The following HHAT variants were observed in gnomAD, a reference collection of about 807,000 sequenced individuals.
The protein encoded by HHAT is protein-cysteine N-palmitoyltransferase HHAT.
Under a neutral mutation model 70.8 loss-of-function variants are expected in HHAT, and 47 were observed. The ratio of observed to expected loss-of-function variants is 0.66; its 90% CI spans 0.53 to 0.85. The LOEUF is 0.85. HHAT is among the 40% of genes least tolerant of loss of function. The pLI, the probability that HHAT is intolerant of heterozygous loss-of-function variation, is 0.00. For synonymous variants in HHAT, 228 were observed against 247.6 expected, an observed-to-expected ratio of 0.92 and a Z score of 0.74; for missense variants, 609 against 604.8, an observed-to-expected ratio of 1.01 and a Z score of -0.07.
intron 11 of HHAT, among the ~76,000 whole-genome samples, chr1:210,633,367 C>T (rs1315887116): frequency 2.0e-5 from 3 of 152,170 alleles, no homozygotes; most frequent in Non-Finnish European, 4.4e-5. Flanking sequence ...GTCAAATGCC[C>T]GGTCGCAGCA....
chr1:210,393,618 C>A (rs2143441), intron 4 of HHAT, among the ~76,000 whole-genome samples: 46 of 151,986 alleles, frequency 3.0e-4, no homozygotes, highest in Non-Finnish European at 5.7e-4. Flanking sequence ...ACTTATTTCA[C>A]CTTTCTGCAT....
chr1:210,345,511 C>T (rs1286854281), intron 1 of HHAT, among the ~76,000 whole-genome samples: 3 of 152,154 alleles, frequency 2.0e-5, no homozygotes, highest in African/African-American at 7.2e-5. Flanking sequence ...TGCTGATTCA[C>T]CAAACTTGGG....
At chr1:210,588,502 G>A (rs1386453383) in intron 10 of HHAT, 1 of 164,596 alleles carries the variant, frequency 6.1e-6, no homozygotes, top group Non-Finnish European at 1.3e-5. Context: ...TTAAGTCACT[G>A]AGTCCATACC....
At chr1:210,430,093 A>G (rs2093199099) in intron 7 of HHAT, among the ~76,000 whole-genome samples, 1 of 151,900 alleles carries the variant, frequency 6.6e-6, no homozygotes, top group Admixed American at 6.5e-5. Flanking sequence ...CTTCAATAGT[A>G]GTGTCAAATA....
At chr1:210,474,762 G>GTTC (rs981338245) in intron 8 of HHAT, among the ~76,000 whole-genome samples, 1 of 151,812 alleles carries the variant, frequency 6.6e-6, no homozygotes, top group African/African-American at 2.4e-5. Flanking sequence ...GGGAAATGTG[G>GTTC]TGAACTTGCC....
intron 7 of HHAT, among the ~76,000 whole-genome samples, chr1:210,433,436 C>T (rs3753226): frequency 0.43 from 65,447 of 151,538 alleles, 14,607 homozygotes; most frequent in Admixed American, 0.53. Flanking sequence ...AAAAAGGGAT[C>T]GCTGCAAGTT....
chr1:210,667,879 A>C (rs181361842), intron 11 of HHAT, among the ~76,000 whole-genome samples: 49 of 152,316 alleles, frequency 3.2e-4, no homozygotes, highest in Middle Eastern at 3.4e-3. Context: ...CATTAAGTAC[A>C]TTCATATTGT....
intron 8 of HHAT, among the ~76,000 whole-genome samples, chr1:210,476,646 T>C (rs2094310899): frequency 2.0e-5 from 3 of 152,184 alleles, no homozygotes; most frequent in Non-Finnish European, 4.4e-5. Context: ...CCACTGAACT[T>C]CCGGAGGCCA....
At chr1:210,447,696 C>G (rs527946978) in intron 7 of HHAT, among the ~76,000 whole-genome samples, 2 of 152,324 alleles carry the variant, frequency 1.3e-5, no homozygotes, top group East Asian at 3.9e-4. Context: ...CACTGAAGAT[C>G]CAGGTTCTTG....
intron 10 of HHAT, among the ~76,000 whole-genome samples, chr1:210,618,859 T>A (rs1240832990): frequency 6.6e-6 from 1 of 152,180 alleles, no homozygotes. Flanking sequence ...CAGGAAGCCA[T>A]GGACACCTCA....
intron 5 of HHAT, among the ~76,000 whole-genome samples, 164 bp from the exon 6 acceptor site, chr1:210,404,300 A>G (rs948829294): frequency 1.3e-5 from 2 of 152,160 alleles, no homozygotes; most frequent in African/African-American, 4.8e-5. Context: ...TTGGTTCTCG[A>G]CTGCCTTTTA....
chr1:210,594,420 G>A lies in HHAT; in HGVS notation c.1245+6321G>A, dbSNP rs568811277. ...ACTAATTGCATAAACAAATTAATAA[G>A]CAAAGAGAAAACGAATAAAAACTCT... is the stretch of plus-strand genomic sequence containing the variant. On this transcript the variant is annotated intron_variant, in intron 10 of 11. Coordinates refer to ENST00000261458, the MANE Select transcript of HHAT (RefSeq NM_018194.6). Among the ~76,000 whole-genome samples the A allele has an allele frequency of 2.8e-4, 43 of 152,166 alleles. No individual in the cohort carries two copies. The East Asian group carries it at 8.1e-3, about 29-fold the overall frequency.
intron 8 of HHAT, among the ~76,000 whole-genome samples, chr1:210,475,720 C>T (rs116780240): frequency 1.1e-3 from 168 of 152,260 alleles, no homozygotes; most frequent in African/African-American, 3.9e-3. Flanking sequence ...CCTTGTGGCC[C>T]AGCCCTTGTA....
chr1:210,330,431 A>G (rs1558291780), intron 1 of HHAT, among the ~76,000 whole-genome samples: 2 of 152,232 alleles, frequency 1.3e-5, no homozygotes. Flanking sequence ...AGGGGAGCCA[A>G]AGCCACAAAC....
At chr1:210,618,428 A>C (rs1249692250) in intron 10 of HHAT, among the ~76,000 whole-genome samples, 1 of 152,032 alleles carries the variant, frequency 6.6e-6, no homozygotes. Flanking sequence ...AAAATGGAAA[A>C]CTTCAGTGAT....
At chr1:210,413,665 G>A (rs565884054) in intron 6 of HHAT, among the ~76,000 whole-genome samples, 10 of 152,262 alleles carry the variant, frequency 6.6e-5, no homozygotes, top group African/African-American at 2.4e-4. Flanking sequence ...GTTCTTTGCT[G>A]GTTCATAACA....
intron 11 of HHAT, among the ~76,000 whole-genome samples, chr1:210,671,806 C>G (rs1680141061): frequency 6.6e-6 from 1 of 152,238 alleles, no homozygotes; most frequent in South Asian, 2.1e-4. Flanking sequence ...AGGACACATA[C>G]TGGCTGCCTA....
At position 210,400,596 on chromosome 1, in the gene HHAT, C is replaced by T. The variant is rs2092017558; in HGVS notation, c.402C>T (p.Leu134=). The change falls in exon 5 of 12, where the codon CTC becomes CTT. Residue 134 remains leucine (L), a synonymous_variant. Transcript: ENST00000261458. Reference sequence around the variant, plus strand: ...GCGTGGCCCAGTTCCGGTCTCAGCTCCTGACGTGGCTCTGTTCTCTCCTCC... The same window carrying T: ...GCGTGGCCCAGTTCCGGTCTCAGCTTCTGACGTGGCTCTGTTCTCTCCTCC... ...SFCVAQFRSQ[L]LTWLCSLLLL... is the part of the protein sequence containing the mutation. The T allele has an allele frequency of 6.2e-7, 1 of 1,614,128 alleles. No homozygotes were observed. Among genetic ancestry groups the T allele is most frequent in the South Asian group, 1.1e-5 (1 of 91,074 alleles).
upstream of HHAT, among the ~76,000 whole-genome samples, chr1:210,327,881 A>C (rs2084685480): frequency 6.6e-6 from 1 of 152,196 alleles, no homozygotes; most frequent in South Asian, 2.1e-4. Flanking sequence ...TAGTTTACTA[A>C]CACCTGCTTA....
Sources: allele counts gnomAD v4.1 joint callset (sites outside exome capture counted in the v4.1 genomes callset), GRCh38; gene constraint gnomAD v4.1.1; transcripts MANE v1.5; gene names NCBI Gene and HGNC (gene_info 2026-07-23, HGNC 2026-07-21).